The following CCDC171 variants were observed in gnomAD, a reference collection of about 807,000 sequenced individuals.
The protein encoded by CCDC171 is coiled-coil domain-containing protein 171.
A neutral mutation model predicts 168.2 loss-of-function variants in CCDC171; 177 were observed. The observed-to-expected ratio is 1.05, with a 90% CI of 0.93 to 1.19. The LOEUF is 1.19. Ranked by LOEUF, CCDC171 falls within the 50% of genes most tolerant of loss-of-function variation. CCDC171 has a pLI of 0.00. For synonymous variants in CCDC171, 687 were observed against 540.8 expected (o/e 1.27, Z -3.75); for missense variants, 1,991 against 1,539.0 (o/e 1.29, Z -4.91).
the CCDC171 span, among the ~76,000 whole-genome samples, chr9:16,096,694 A>G: frequency 2.6e-3 from 396 of 152,278 alleles, no homozygotes; most frequent in African/African-American, 7.7e-3. Context: ...GTGTTTCTCC[A>G]TGACACACTT....
At chr9:15,835,454 T>A (rs772356298) in intron 21 of CCDC171, among the ~76,000 whole-genome samples, 6 of 152,140 alleles carry the variant, frequency 3.9e-5, no homozygotes, top group Non-Finnish European at 5.9e-5. Flanking sequence ...TGAGTTGGAG[T>A]TTCGCTTTTG....
chr9:15,775,474 A>G (rs1027038830), intron 18 of CCDC171, among the ~76,000 whole-genome samples: 1 of 152,012 alleles, frequency 6.6e-6, no homozygotes, highest in Non-Finnish European at 1.5e-5. Flanking sequence ...ACGTGCCACC[A>G]CGCCCGGCTA....
intron 16 of CCDC171, among the ~76,000 whole-genome samples, chr9:15,737,890 A>C (rs1001317802): frequency 6.6e-6 from 1 of 152,156 alleles, no homozygotes; most frequent in Non-Finnish European, 1.5e-5. Context: ...TGGCTGCACT[A>C]TTTTACAATC....
chr9:16,017,631 A>G (rs928416660), intron 3 of CCDC171, among the ~76,000 whole-genome samples: 1 of 152,204 alleles, frequency 6.6e-6, no homozygotes, highest in African/African-American at 2.4e-5. Flanking sequence ...CAGTGTAGAG[A>G]ATACTTGTTT....
chr9:15,937,293 A>T (rs941906709), intron 25 of CCDC171, among the ~76,000 whole-genome samples: 2 of 152,012 alleles, frequency 1.3e-5, no homozygotes, highest in African/African-American at 2.4e-5. Context: ...TGGTTCAGAG[A>T]CAACCTCAGT....
chr9:16,098,218 C>T, the CCDC171 span, among the ~76,000 whole-genome samples: 1 of 152,106 alleles, frequency 6.6e-6, no homozygotes, highest in African/African-American at 2.4e-5. Context: ...TAAAATGGGG[C>T]TAATATTATT....
chr9:15,892,169 T>C lies in CCDC171; in HGVS notation c.3600+17506T>C, dbSNP rs560292163. On this transcript the variant is annotated intron_variant, in intron 24 of 25. Coordinates refer to ENST00000380701, the MANE Select transcript of CCDC171 (RefSeq NM_173550.4). ...CAAACAAAGATAATTTGACTTTCTC[T>C]CTTTCTATTTGAATAGCCTTTATTT... Among the ~76,000 whole-genome samples, 26 of 152,322 alleles carry C rather than the reference T, an allele frequency of 1.7e-4. No individual in the cohort carries two copies. The South Asian group carries it at 5.4e-3, about 32-fold the overall frequency.
intron 7 of CCDC171, among the ~76,000 whole-genome samples, chr9:15,633,446 G>C (rs1439878423): frequency 3.9e-5 from 6 of 152,212 alleles, no homozygotes; most frequent in African/African-American, 1.4e-4. Flanking sequence ...CTGGCCATCA[G>C]AGAAATGCAA....
chr9:15,838,283 A>G (rs1486797469), intron 21 of CCDC171, among the ~76,000 whole-genome samples: 4 of 152,190 alleles, frequency 2.6e-5, no homozygotes, highest in East Asian at 1.9e-4. Flanking sequence ...ATAGTATATC[A>G]TTGTATCTTT....
intron 6 of CCDC171, among the ~76,000 whole-genome samples, chr9:15,597,930 C>A (rs1435856522): frequency 6.6e-6 from 1 of 152,138 alleles, no homozygotes; most frequent in Non-Finnish European, 1.5e-5. Context: ...AGTTTATTTG[C>A]ATAGAGGTGT....
intron 1 of CCDC171, among the ~76,000 whole-genome samples, chr9:16,051,062 A>G (rs1254669354): frequency 1.3e-5 from 2 of 152,242 alleles, no homozygotes; most frequent in African/African-American, 4.8e-5. Context: ...TTTACTGTAC[A>G]AAGTGGCCTA....
intron 9 of CCDC171, among the ~76,000 whole-genome samples, chr9:15,678,113 G>A (rs1260640057): frequency 6.6e-6 from 1 of 150,700 alleles, no homozygotes; most frequent in Non-Finnish European, 1.5e-5. Flanking sequence ...GTCTTGTTTT[G>A]TTGCCCAGGC....
intron 7 of CCDC171, among the ~76,000 whole-genome samples, chr9:15,632,345 A>G (rs1158852774): frequency 3.9e-4 from 59 of 152,014 alleles, no homozygotes; most frequent in African/African-American, 8.2e-4. Flanking sequence ...AAATCAATGT[A>G]CAAAAATCAC....
At chr9:16,053,186 A>G (rs1833779679) in intron 1 of CCDC171, among the ~76,000 whole-genome samples, 1 of 152,354 alleles carries the variant, frequency 6.6e-6, no homozygotes, top group South Asian at 2.1e-4. Context: ...AGGCAGCTCC[A>G]CTCTAGACAG....
At chr9:15,855,144 G>A (rs567334045) in intron 23 of CCDC171, among the ~76,000 whole-genome samples, 190 of 151,670 alleles carry the variant, frequency 1.3e-3, no homozygotes, top group Middle Eastern at 6.8e-3. Context: ...TTTTGTCTGG[G>A]TGTCCTATTC....
chr9:15,696,285 CT>C (rs2051207961), intron 11 of CCDC171, among the ~76,000 whole-genome samples: 1 of 152,134 alleles, frequency 6.6e-6, no homozygotes, highest in South Asian at 2.1e-4. Flanking sequence ...CATATTTTGC[CT>C]TGTGGATCTG....
intron 6 of CCDC171, among the ~76,000 whole-genome samples, chr9:15,608,785 G>GAA (rs750375380): frequency 3.7e-5 from 5 of 134,046 alleles, no homozygotes; most frequent in Admixed American, 2.3e-4. Context: ...CTCTCTCTAT[G>GAA]AAAAAAAAAA....
chr9:15,587,672 C>A, intron 4 of CCDC171: 1 of 456,552 alleles, frequency 2.2e-6, no homozygotes, highest in African/African-American at 2.0e-5. Context: ...TAACGTCCAC[C>A]TTGAAGCTCA....
chr9:15,648,804 T>C (rs1220584906), intron 7 of CCDC171, among the ~76,000 whole-genome samples: 1 of 152,130 alleles, frequency 6.6e-6, no homozygotes, highest in Non-Finnish European at 1.5e-5. Flanking sequence ...ATAAATATCA[T>C]GAAAATGGCC....
Sources: gnomAD v4.1 joint callset for allele counts (sites outside exome capture counted in the v4.1 genomes callset) on GRCh38, gnomAD v4.1.1 for gene constraint, MANE v1.5 for transcripts, NCBI Gene and HGNC (gene_info 2026-07-23, HGNC 2026-07-21) for gene names.